MGA: variants seen among roughly 807,000 people sequenced by gnomAD.
MGA encodes the protein MAX gene-associated protein.
MGA carries 40 observed loss-of-function variants against 261.1 expected under a neutral mutation model. The ratio of observed to expected loss-of-function variants is 0.15; its 90% CI spans 0.12 to 0.20. MGA has a LOEUF of 0.20. Among genes scored for constraint, MGA ranks in the 10% least tolerant of loss-of-function variants. MGA has a pLI of 1.00. For synonymous variants in MGA, 1,302 were observed against 1,290.6 expected (o/e 1.01, Z -0.19); for missense variants, 3,397 against 3,630.5 (o/e 0.94, Z 1.65).
chr15:41,753,592 A>G (rs2062976366), intron 17 of MGA, among the ~76,000 whole-genome samples: 1 of 152,142 alleles, frequency 6.6e-6, no homozygotes, highest in Admixed American at 6.5e-5. Context: ...TTGAAACCTG[A>G]AATTCCTTAC....
intron 1 of MGA, among the ~76,000 whole-genome samples, chr15:41,623,425 G>GA (rs1386516738): frequency 2.6e-5 from 4 of 152,122 alleles, no homozygotes; most frequent in African/African-American, 9.7e-5. Context: ...ACTGTTTGGA[G>GA]AAAAAATGGG....
chr15:41,759,086 T>G (rs1204718485), intron 19 of MGA, among the ~76,000 whole-genome samples: 2 of 152,170 alleles, frequency 1.3e-5, no homozygotes, highest in African/African-American at 4.8e-5. Context: ...GATACCCTCA[T>G]TTTACAAAGT....
Position 41,742,560 on chromosome 15 carries a change from C to T in MGA, c.4600C>T (p.Pro1534Ser), listed in dbSNP as rs373266045. 5.6e-6 allele frequency: 9 copies of T among 1,613,082 alleles called. No individual in the cohort carries two copies. The East Asian group carries it at 1.1e-4, about 20-fold the overall frequency. Residue 1534 changes from proline to serine, a missense_variant, in exon 15 of 24, where the codon CCT becomes TCT. Physicochemically the swap from Pro to Ser is moderately conservative, Grantham distance 74. Around this residue, in one of 9 missense-constraint regions of MGA, gnomAD observed 1,410 missense variants for 1,386.4 expected, o/e 1.02. Coordinates refer to ENST00000219905, the MANE Select transcript of MGA (RefSeq NM_001164273.2). ...TCTGTTTGCAGCGGCTCGACCCTCTCCTGGTGGTGTGTTCACACAGTTTGT... is the reference window on the plus strand; with the variant it reads ...TCTGTTTGCAGCGGCTCGACCCTCTTCTGGTGGTGTGTTCACACAGTTTGT...
chr15:41,652,262 C>T (rs1298477664), intron 1 of MGA, among the ~76,000 whole-genome samples: 1 of 150,778 alleles, frequency 6.6e-6, no homozygotes, highest in South Asian at 2.1e-4. Flanking sequence ...CGTGAGCCAC[C>T]GTGCCTGGCC....
Position 41,748,724 on chromosome 15 carries a change from TGCA to T in MGA, c.5305_5307del (p.Gln1769del). 6.2e-7 allele frequency: 1 copy of T among 1,613,976 alleles called. No homozygotes were observed. Among genetic ancestry groups the T allele is most frequent in the East Asian group, 2.2e-5 (1 of 44,888 alleles). On this transcript the variant is annotated inframe_deletion, in exon 16 of 24. Transcript: ENST00000219905. ...GGACCTCGATTGTTGTTGATTCCAG[TGCA>T]GCAGGGTTCTCCTACTCTTAGACCT...
intron 15 of MGA, 150 bp downstream of exon 15, chr15:41,743,322 C>A: frequency 1.0e-6 from 1 of 1,000,980 alleles, no homozygotes; most frequent in Non-Finnish European, 1.4e-6. Flanking sequence ...CCTCTGCATG[C>A]TGCAAAACTG....
chr15:41,681,995 G>T (rs778322165), intron 2 of MGA, among the ~76,000 whole-genome samples: 3 of 152,114 alleles, frequency 2.0e-5, no homozygotes, highest in Non-Finnish European at 2.9e-5. Context: ...TCGGCTTACT[G>T]CAACCGCTGC....
At chr15:41,637,831 G>A (rs1211544737) in intron 1 of MGA, among the ~76,000 whole-genome samples, 4 of 151,298 alleles carry the variant, frequency 2.6e-5, no homozygotes, top group Admixed American at 2.0e-4. Context: ...TGCGACCTCC[G>A]CCTCCCGGCT....
At chr15:41,714,853 C>G (rs922493080) in intron 9 of MGA, among the ~76,000 whole-genome samples, 7 of 152,142 alleles carry the variant, frequency 4.6e-5, no homozygotes, top group Non-Finnish European at 1.0e-4. Flanking sequence ...TATGGATAGG[C>G]AGAAATTGAT....
chr15:41,632,130 A>G (rs2056601741), intron 1 of MGA, among the ~76,000 whole-genome samples: 1 of 152,184 alleles, frequency 6.6e-6, no homozygotes. Context: ...TGTTTTATCC[A>G]TGATACATGT....
intron 2 of MGA, among the ~76,000 whole-genome samples, chr15:41,671,310 A>G (rs1035018930): frequency 6.6e-6 from 1 of 152,124 alleles, no homozygotes; most frequent in Admixed American, 6.5e-5. Flanking sequence ...TTTTGTTTGA[A>G]CTTGCCTTAT....
intron 1 of MGA, among the ~76,000 whole-genome samples, chr15:41,629,237 A>G (rs771703643): frequency 2.0e-5 from 3 of 152,146 alleles, no homozygotes; most frequent in Non-Finnish European, 4.4e-5. Flanking sequence ...TAGAACCAAC[A>G]GGATTTGCTG....
intron 9 of MGA, among the ~76,000 whole-genome samples, chr15:41,717,252 G>A (rs968992329): frequency 9.2e-5 from 14 of 152,110 alleles, no homozygotes; most frequent in Admixed American, 8.5e-4. Flanking sequence ...AAATACTGCT[G>A]GCTGTGCAGA....
intron 1 of MGA, among the ~76,000 whole-genome samples, chr15:41,635,126 G>C (rs1198774038): frequency 6.6e-6 from 1 of 151,946 alleles, no homozygotes; most frequent in Non-Finnish European, 1.5e-5. Flanking sequence ...TTAAGGTCAG[G>C]AGTTCGAGAC....
chr15:41,623,111 G>C (rs2056349802), intron 1 of MGA, among the ~76,000 whole-genome samples: 1 of 152,068 alleles, frequency 6.6e-6, no homozygotes. Flanking sequence ...TAGCAACAGA[G>C]AGATATGGCT....
intron 1 of MGA, among the ~76,000 whole-genome samples, chr15:41,667,961 AC>A (rs2057848430): frequency 6.6e-6 from 1 of 151,536 alleles, no homozygotes. Context: ...GCACCACCAC[AC>A]CAGGCTAATT....
rs2063950512 is a variant in MGA, at chr15:41,769,495, T to G, written c.*2215T>G. On this transcript the variant is annotated 3_prime_UTR_variant, in exon 24 of 24. Coordinates refer to ENST00000219905, the MANE Select transcript of MGA (RefSeq NM_001164273.2). ...TCTCAAGACCTCTTAGAACTAGGTG[T>G]TGTCAGGGATAATTTGAGGAGGGCT... 6.6e-6 allele frequency: 1 copy of G among 152,086 alleles called. No individual in the cohort carries two copies. The highest frequency in any genetic ancestry group is 2.1e-4 in the South Asian group (1 of 4,822). The allele number at this position is 152,086 out of a possible 1,614,324, so 9.4% of individuals were successfully genotyped here.
intron 21 of MGA, 134 bp from the exon 22 acceptor site, chr15:41,761,995 T>C: frequency 9.7e-7 from 1 of 1,029,066 alleles, no homozygotes; most frequent in Non-Finnish European, 1.4e-6. Flanking sequence ...TGGTGGGTTG[T>C]TTCTTGTGAA....
chr15:41,674,005 C>T (rs1437009318), intron 2 of MGA, among the ~76,000 whole-genome samples: 2 of 152,184 alleles, frequency 1.3e-5, no homozygotes, highest in Non-Finnish European at 2.9e-5. Flanking sequence ...AATTCTCCTG[C>T]CTCAGCCTCC....
Sources: allele counts gnomAD v4.1 joint callset (sites outside exome capture counted in the v4.1 genomes callset), GRCh38; gene constraint gnomAD v4.1.1; regional missense constraint gnomAD v4.1.1; transcripts MANE v1.5; gene names NCBI Gene and HGNC (gene_info 2026-07-23, HGNC 2026-07-21).